Variants in CTNNA2 observed in about 807,000 individuals in gnomAD.
The protein encoded by CTNNA2 is catenin alpha-2.
Under a neutral mutation model 101.0 loss-of-function variants are expected in CTNNA2, and 42 were observed. The ratio of observed to expected loss-of-function variants is 0.42; its 90% confidence interval spans 0.32 to 0.54. The LOEUF (loss-of-function observed/expected upper bound fraction) is 0.54, where lower values mean the gene tolerates loss of function less well. Among genes scored for constraint, CTNNA2 ranks in the 20% least tolerant of loss-of-function variants. The pLI, the probability that CTNNA2 is intolerant of heterozygous loss-of-function variation, is 0.14. For synonymous variants in CTNNA2, 450 were observed against 456.4 expected (o/e 0.99, Z 0.18); for missense variants, 871 against 1,223.1 (o/e 0.71, Z 4.29).
At chr2:80,008,510 T>C (rs1381190070) in intron 7 of CTNNA2, among the ~76,000 whole-genome samples, 2 of 152,138 alleles carry the variant, frequency 1.3e-5, no homozygotes, top group Non-Finnish European at 2.9e-5. Context: ...TCAACTTCTC[T>C]TCTTCTTCTT....
At chr2:80,223,351 A>G (rs138777389) in intron 7 of CTNNA2, among the ~76,000 whole-genome samples, 5,903 of 152,302 alleles carry the variant, frequency 0.039, 382 homozygotes, top group African/African-American at 0.13. Flanking sequence ...CTCGGCTCAC[A>G]GCAACCTCTG....
rs76003631 is a variant in CTNNA2 at position 79,313,974 on chromosome 2, G to C, written c.-318+1178G>C. ...AGAGCCTCTCTCACATGGGGACTGA[G>C]AGGTCCTGATGACAACAAGGCCTTC... On this transcript the variant is annotated intron_variant, in intron 3 of 21. Coordinates refer to the CTNNA2 transcript ENST00000466387. Among the ~76,000 whole-genome samples the C allele has an allele frequency of 2.6e-3, 393 of 152,272 alleles. 8 individuals carry two copies. The East Asian group carries it at 0.062, about 24-fold the overall frequency.
intron 7 of CTNNA2, among the ~76,000 whole-genome samples, chr2:80,190,936 G>A (rs1037223479): frequency 6.6e-6 from 1 of 152,170 alleles, no homozygotes; most frequent in African/African-American, 2.4e-5. Flanking sequence ...GGGAGGAGAC[G>A]AGACAGCTGA....
chr2:79,822,191 T>G (rs115427248), intron 3 of CTNNA2, among the ~76,000 whole-genome samples: 1,871 of 152,232 alleles, frequency 0.012, 40 homozygotes, highest in African/African-American at 0.042. Flanking sequence ...AACGGTTTTT[T>G]TTTTTAATTT....
At chr2:80,370,349 G>A (rs539291698) in intron 7 of CTNNA2, among the ~76,000 whole-genome samples, 90 of 152,108 alleles carry the variant, frequency 5.9e-4, no homozygotes, top group African/African-American at 2.2e-3. Context: ...AGGGCAGGAA[G>A]GGCTGTGTGT....
intron 9 of CTNNA2, among the ~76,000 whole-genome samples, chr2:80,457,124 G>A (rs753754148): frequency 2.0e-5 from 3 of 151,398 alleles, no homozygotes; most frequent in Non-Finnish European, 2.9e-5. Flanking sequence ...TCACCCAGGC[G>A]GTGATCTCGA....
intron 3 of CTNNA2, among the ~76,000 whole-genome samples, chr2:79,773,903 T>C (rs1182602946): frequency 6.6e-6 from 1 of 152,170 alleles, no homozygotes; most frequent in East Asian, 1.9e-4. Context: ...ACTACTTTCT[T>C]TGGGTTAGTG....
chr2:79,479,497 A>G (rs62141410), intron 4 of CTNNA2, among the ~76,000 whole-genome samples: 2,045 of 152,300 alleles, frequency 0.013, 17 homozygotes, highest in Middle Eastern at 0.034. Context: ...ATACAATTAC[A>G]TTTACTTGGA....
At chr2:79,941,230 A>G (rs941746573) in intron 7 of CTNNA2, among the ~76,000 whole-genome samples, 2 of 152,172 alleles carry the variant, frequency 1.3e-5, no homozygotes, top group Non-Finnish European at 2.9e-5. Flanking sequence ...TTATTTCCCT[A>G]TAGCCTATAT....
rs34542700 is a variant in CTNNA2 at position 79,798,560 on chromosome 2, C to CTTTT, written c.298+53997_298+54000dup. Among the ~76,000 whole-genome samples the CTTTT allele has an allele frequency of 3.0e-3, 373 of 123,770 alleles. 2 individuals carry two copies. The highest frequency in any genetic ancestry group is 0.01 in the African/African-American group (344 of 34,162). 81.2% of individuals were successfully genotyped at this position (123,770 alleles called of 152,430 possible). A position where few individuals can be genotyped will look rare whatever the true frequency, so the allele number is the denominator to read the frequency against. ...AAGCCAACTAATTTATATAATAAGACTTTTTTTTTTTTTTTTTTTTTTACA... is the reference window on the plus strand; with the variant it reads ...AAGCCAACTAATTTATATAATAAGACTTTTTTTTTTTTTTTTTTTTTTTTTTACA... On this transcript the variant is annotated intron_variant, in intron 3 of 18. Coordinates refer to ENST00000402739, the MANE Select transcript of CTNNA2 (RefSeq NM_001282597.3).
chr2:79,630,861 G>T (rs1261172624), intron 1 of CTNNA2, among the ~76,000 whole-genome samples: 1 of 150,200 alleles, frequency 6.7e-6, no homozygotes, highest in Non-Finnish European at 1.5e-5. Context: ...TTTGGAAATG[G>T]CTGAGTTTGT....
At chr2:80,171,334 A>G (rs1489061533) in intron 7 of CTNNA2, among the ~76,000 whole-genome samples, 1 of 152,230 alleles carries the variant, frequency 6.6e-6, no homozygotes, top group Admixed American at 6.5e-5. Context: ...ATGGGCACAG[A>G]TACCTTAGTA....
intron 7 of CTNNA2, among the ~76,000 whole-genome samples, chr2:80,004,715 C>T (rs1693211280): frequency 6.7e-6 from 1 of 148,424 alleles, no homozygotes; most frequent in South Asian, 2.1e-4. Context: ...ATTTATCCAT[C>T]CATCCGAGAT....
intron 3 of CTNNA2, among the ~76,000 whole-genome samples, chr2:79,848,251 A>G (rs558086610): frequency 1.2e-4 from 19 of 152,320 alleles, no homozygotes; most frequent in Non-Finnish European, 2.2e-4. Context: ...AATGAAATTT[A>G]CATTCCATCA....
At chr2:79,940,901 G>A (rs182968383) in intron 7 of CTNNA2, among the ~76,000 whole-genome samples, 1 of 152,318 alleles carries the variant, frequency 6.6e-6, no homozygotes, top group East Asian at 1.9e-4. Context: ...TCTACTGAAT[G>A]CATATTGCTT....
intron 7 of CTNNA2, among the ~76,000 whole-genome samples, chr2:80,129,105 A>G (rs1702282934): frequency 6.6e-6 from 1 of 152,192 alleles, no homozygotes; most frequent in South Asian, 2.1e-4. Context: ...TGGGAAACAC[A>G]CCTGTAAATG....
intron 9 of CTNNA2, among the ~76,000 whole-genome samples, chr2:80,521,622 C>T (rs528525041): frequency 1.3e-5 from 2 of 152,000 alleles, no homozygotes; most frequent in African/African-American, 2.4e-5. Flanking sequence ...CTTCACTAGC[C>T]GTTGTTAGTC....
At chr2:80,243,512 G>A (rs1340863331) in intron 7 of CTNNA2, among the ~76,000 whole-genome samples, 2 of 151,900 alleles carry the variant, frequency 1.3e-5, no homozygotes, top group South Asian at 2.1e-4. Context: ...TATATAAATG[G>A]CATCAAACAA....
intron 9 of CTNNA2, among the ~76,000 whole-genome samples, chr2:80,542,060 C>T (rs1691609870): frequency 6.6e-6 from 1 of 151,110 alleles, no homozygotes; most frequent in Admixed American, 6.6e-5. Context: ...AAATTCCAAA[C>T]ATCAGTTCAT....
Sources: gnomAD v4.1 joint callset for allele counts (sites outside exome capture counted in the v4.1 genomes callset) on GRCh38, gnomAD v4.1.1 for gene constraint, MANE v1.5 for transcripts, NCBI Gene and HGNC (gene_info 2026-07-23, HGNC 2026-07-21) for gene names.